Variants in CTNNA3 observed in about 807,000 individuals in gnomAD.
CTNNA3 encodes the protein catenin alpha 3, also known as catenin alpha-3.
In CTNNA3, 76 loss-of-function variants were observed where a neutral mutation model predicts 95.7. The ratio of observed to expected loss-of-function variants is 0.79; its 90% CI spans 0.66 to 0.96. The LOEUF (loss-of-function observed/expected upper bound fraction) is 0.96. CTNNA3 is among the 40% of genes least tolerant of loss of function. The pLI is 0.00. For synonymous variants in CTNNA3, 431 were observed against 374.4 expected, an observed-to-expected ratio of 1.15 and a Z score of -1.74; for missense variants, 1,191 against 1,089.8, an observed-to-expected ratio of 1.09 and a Z score of -1.31.
intron 13 of CTNNA3, among the ~76,000 whole-genome samples, chr10:66,212,100 C>T (rs1411362651): frequency 2.0e-5 from 3 of 149,792 alleles, no homozygotes; most frequent in Non-Finnish European, 4.4e-5. Context: ...GGCAATTCTC[C>T]TGTCTCAGCC....
intron 14 of CTNNA3, among the ~76,000 whole-genome samples, chr10:66,082,585 T>G (rs1000507874): frequency 1.3e-5 from 2 of 152,126 alleles, no homozygotes; most frequent in Non-Finnish European, 2.9e-5. Context: ...TAATTAGTAG[T>G]ATAATACCAA....
At chr10:66,861,919 A>T (rs553498279) in intron 7 of CTNNA3, among the ~76,000 whole-genome samples, 1 of 152,296 alleles carries the variant, frequency 6.6e-6, no homozygotes, top group African/African-American at 2.4e-5. Context: ...TTTCTTTAGA[A>T]GTTTGGTGAT....
chr10:66,658,689 T>C (rs1846153070), intron 9 of CTNNA3, among the ~76,000 whole-genome samples: 1 of 152,124 alleles, frequency 6.6e-6, no homozygotes, highest in Non-Finnish European at 1.5e-5. Flanking sequence ...TGGCCTTCTC[T>C]CTCTTTTCTA....
chr10:66,763,341 C>CAGAGAGAGAGAGAG (rs1554848276), intron 9 of CTNNA3, among the ~76,000 whole-genome samples: 22,622 of 138,454 alleles, frequency 0.16, 2,148 homozygotes, highest in East Asian at 0.38. Context: ...CACACACACA[C>CAGAGAGAGAGAGAG]AGAGAGAGAG....
rs372201774 is a variant in CTNNA3 at position 67,267,134 on chromosome 10, C to T, written c.580-47264G>A. On this transcript the variant is annotated intron_variant, in intron 5 of 17. Coordinates refer to ENST00000433211, the MANE Select transcript of CTNNA3 (RefSeq NM_013266.4). ...CCCAAATTAGTAGGCACATAGAAAA[C>T]GAAGAAATTAAAACACAAACAATTC... Among the ~76,000 whole-genome samples the T allele has an allele frequency of 6.6e-5, 10 of 151,918 alleles. No homozygotes were observed. In the East Asian group the frequency reaches 1.4e-3, roughly 21 times the overall value.
At chr10:67,100,636 G>A (rs1858285097) in intron 7 of CTNNA3, among the ~76,000 whole-genome samples, 1 of 151,506 alleles carries the variant, frequency 6.6e-6, no homozygotes, top group Non-Finnish European at 1.5e-5. Context: ...GTTTACTTAT[G>A]TTTGGAGCTG....
At chr10:67,573,377 G>A (rs1305105025) in intron 3 of CTNNA3, among the ~76,000 whole-genome samples, 3 of 152,094 alleles carry the variant, frequency 2.0e-5, no homozygotes, top group African/African-American at 4.8e-5. Context: ...GCTTGGAGAA[G>A]GGTGACTGAT....
chr10:66,297,335 TAATA>T (rs2091795759), intron 12 of CTNNA3, among the ~76,000 whole-genome samples: 1 of 152,078 alleles, frequency 6.6e-6, no homozygotes, highest in African/African-American at 2.4e-5. Flanking sequence ...TGAGACAGAA[TAATA>T]AATAAAATAA....
chr10:66,177,473 GA>G (rs1326966100), intron 13 of CTNNA3, among the ~76,000 whole-genome samples: 2 of 151,306 alleles, frequency 1.3e-5, no homozygotes, highest in Non-Finnish European at 3.0e-5. Context: ...TTTCAGGGAA[GA>G]AAATATCACA....
intron 7 of CTNNA3, among the ~76,000 whole-genome samples, chr10:67,171,265 A>G (rs1862004686): frequency 6.6e-6 from 1 of 152,152 alleles, no homozygotes; most frequent in African/African-American, 2.4e-5. Flanking sequence ...ATATAAGCAT[A>G]TTCAAAGTAA....
At chr10:66,159,012 T>C (rs2084698857) in intron 13 of CTNNA3, among the ~76,000 whole-genome samples, 2 of 152,218 alleles carry the variant, frequency 1.3e-5, no homozygotes, top group East Asian at 3.9e-4. Context: ...TAATCTTGTA[T>C]CTGGAAACTT....
chr10:67,524,950 A>G (rs1840097085), intron 4 of CTNNA3, among the ~76,000 whole-genome samples: 1 of 152,172 alleles, frequency 6.6e-6, no homozygotes, highest in Non-Finnish European at 1.5e-5. Context: ...AAGATTTTCT[A>G]TATTTGTTCA....
chr10:66,289,487 T>C (rs2091643936), intron 12 of CTNNA3, among the ~76,000 whole-genome samples: 1 of 151,906 alleles, frequency 6.6e-6, no homozygotes, highest in Non-Finnish European at 1.5e-5. Context: ...CATATAAGCA[T>C]GTTTAACTCA....
chr10:67,285,131 TG>T (rs1278067400), intron 5 of CTNNA3, among the ~76,000 whole-genome samples: 1 of 152,216 alleles, frequency 6.6e-6, no homozygotes, highest in Non-Finnish European at 1.5e-5. Flanking sequence ...TTCTGTTTGC[TG>T]TTCTCATGTT....
chr10:67,102,205 G>T (rs1049620629), intron 7 of CTNNA3, among the ~76,000 whole-genome samples: 1 of 151,588 alleles, frequency 6.6e-6, no homozygotes, highest in African/African-American at 2.4e-5. Flanking sequence ...ATAGGGAGGC[G>T]CCAAGTACAA....
intron 11 of CTNNA3, among the ~76,000 whole-genome samples, chr10:66,504,128 G>A (rs998435957): frequency 2.0e-5 from 3 of 152,048 alleles, no homozygotes; most frequent in Non-Finnish European, 4.4e-5. Flanking sequence ...TAGTCAGCTT[G>A]TTGTATAATA....
At chr10:66,893,932 TG>T (rs1845374905) in intron 7 of CTNNA3, among the ~76,000 whole-genome samples, 1 of 152,160 alleles carries the variant, frequency 6.6e-6, no homozygotes, top group Non-Finnish European at 1.5e-5. Flanking sequence ...TTGTATCTAA[TG>T]CTGTAAGAAA....
chr10:66,092,840 C>T (rs4746546), intron 14 of CTNNA3, among the ~76,000 whole-genome samples: 152,044 of 152,046 alleles, frequency 1, 76,021 homozygotes, highest in Non-Finnish European at 1. Context: ...CTATACCTTC[C>T]CTCACTCTAA....
intron 11 of CTNNA3, among the ~76,000 whole-genome samples, chr10:66,460,616 T>C (rs979489716): frequency 6.6e-6 from 1 of 152,122 alleles, no homozygotes; most frequent in Non-Finnish European, 1.5e-5. Context: ...GTGTTTCTGA[T>C]GACTTTTCTC....
Sources: gnomAD v4.1 joint callset for allele counts (sites outside exome capture counted in the v4.1 genomes callset) on GRCh38, gnomAD v4.1.1 for gene constraint, MANE v1.5 for transcripts, NCBI Gene and HGNC (gene_info 2026-07-23, HGNC 2026-07-21) for gene names.